SEC22A: variants seen among roughly 807,000 people sequenced by gnomAD.
SEC22A encodes the protein SEC22 homolog A, vesicle trafficking protein.
In SEC22A, 22 loss-of-function variants were observed where a neutral mutation model predicts 35.3. That is an observed-to-expected ratio of 0.62 (90% CI 0.45 to 0.89). The LOEUF (loss-of-function observed/expected upper bound fraction) is 0.89. Ranked by LOEUF, SEC22A falls within the 40% of genes least tolerant of loss-of-function variation. The pLI, the probability that SEC22A is intolerant of heterozygous loss-of-function variation, is 0.00. For synonymous variants in SEC22A, 119 were observed against 129.5 expected, an observed-to-expected ratio of 0.92 and a Z score of 0.55; for missense variants, 354 against 362.5, an observed-to-expected ratio of 0.98 and a Z score of 0.19.
At chr3:123,256,947 G>T (rs1002691219) in intron 5 of SEC22A, among the ~76,000 whole-genome samples, 1 of 151,878 alleles carries the variant, frequency 6.6e-6, no homozygotes, top group Non-Finnish European at 1.5e-5. Flanking sequence ...TTTTAGTAGA[G>T]ACATGGTTTC....
chr3:123,234,319 A>G (rs948640076), intron 4 of SEC22A, among the ~76,000 whole-genome samples: 2 of 152,208 alleles, frequency 1.3e-5, no homozygotes, highest in African/African-American at 4.8e-5. Context: ...AGCCAAAATA[A>G]TCTTGGAAAA....
At chr3:123,234,314 A>G (rs1481703591) in intron 4 of SEC22A, among the ~76,000 whole-genome samples, 1 of 152,202 alleles carries the variant, frequency 6.6e-6, no homozygotes, top group East Asian at 1.9e-4. Flanking sequence ...AGCATAGCCA[A>G]AATAATCTTG....
At chr3:123,220,867 C>CATATATATATATATAT (rs563341393) in intron 2 of SEC22A, among the ~76,000 whole-genome samples, 2,214 of 96,832 alleles carry the variant, frequency 0.023, 156 homozygotes, top group Non-Finnish European at 0.032. Context: ...AAAAAGGTCT[C>CATATATATATATATAT]ATATATATAT....
chr3:123,237,052 T>C (rs2108066243), intron 4 of SEC22A, among the ~76,000 whole-genome samples: 1 of 152,362 alleles, frequency 6.6e-6, no homozygotes, highest in South Asian at 2.1e-4. Context: ...GCAGGTCATA[T>C]GGCCTCTGTT....
intron 6 of SEC22A, among the ~76,000 whole-genome samples, chr3:123,261,301 T>G (rs1937890445): frequency 6.6e-6 from 1 of 152,238 alleles, no homozygotes; most frequent in Non-Finnish European, 1.5e-5. Flanking sequence ...GTATATATTT[T>G]CTATTTTAAT....
At chr3:123,224,790 CAAAA>C (rs201359124) in intron 3 of SEC22A, among the ~76,000 whole-genome samples, 1 of 144,344 alleles carries the variant, frequency 6.9e-6, no homozygotes, top group Non-Finnish European at 1.5e-5. Context: ...GACCCTGTCT[CAAAA>C]AAAAAAATTC....
At chr3:123,202,755 C>G (rs1936772246) in intron 1 of SEC22A, among the ~76,000 whole-genome samples, 1 of 152,204 alleles carries the variant, frequency 6.6e-6, no homozygotes, top group Non-Finnish European at 1.5e-5. Flanking sequence ...CCCTCCTATG[C>G]CTATTCAGCC....
At chr3:123,221,350 A>C (rs1463618799) in intron 2 of SEC22A, among the ~76,000 whole-genome samples, 1 of 151,616 alleles carries the variant, frequency 6.6e-6, no homozygotes, top group African/African-American at 2.4e-5. Flanking sequence ...GTGTGCCTGT[A>C]ATCCCAGCTA....
At chr3:123,237,502 C>T (rs1434697585) in intron 4 of SEC22A, among the ~76,000 whole-genome samples, 1 of 152,186 alleles carries the variant, frequency 6.6e-6, no homozygotes, top group Non-Finnish European at 1.5e-5. Flanking sequence ...ACCTATACAT[C>T]TTTTAAGACT....
Position 123,223,686 on chromosome 3 carries a change from A to G in SEC22A, c.310A>G (p.Asn104Asp). The G allele has an allele frequency of 1.2e-6, 2 of 1,613,568 alleles. No individual in the cohort carries two copies. The highest frequency in any genetic ancestry group is 1.7e-6 in the Non-Finnish European group (2 of 1,179,734). Residue 104 changes from asparagine (N) to aspartate (D), a missense_variant, in exon 3 of 7, where the codon AAT (asparagine) becomes GAT (aspartate). Physicochemically the swap from Asn to Asp is conservative, Grantham distance 23. Transcript: ENST00000492595. ...FITTYNMMKTNTAVRPYCFIE... is the reference protein window; with the variant it reads ...FITTYNMMKTDTAVRPYCFIE... ...TACTACTTATAACATGATGAAGACA[A>G]ATACTGCTGTCAGACCATACTGTTT...
chr3:123,212,672 G>A (rs1260743251), intron 2 of SEC22A, among the ~76,000 whole-genome samples: 2 of 151,792 alleles, frequency 1.3e-5, no homozygotes, highest in Non-Finnish European at 2.9e-5. Flanking sequence ...TTTAGTTTTA[G>A]TTAGTTGTAC....
At position 123,205,269 on chromosome 3, in the gene SEC22A, A is replaced by AT. The variant is rs145155872; in HGVS notation, c.-20+3289dup. On this transcript the variant is annotated intron_variant, in intron 1 of 6. Transcript: ENST00000492595. ...AATTACTGTGGTAGAAAGAGGTTTA[A>AT]TTTTTTCCCTAAGAAAAATCTTATC... is the stretch of plus-strand genomic sequence containing the variant. Among the ~76,000 whole-genome samples, 1,064 of 152,302 alleles carry AT rather than the reference A, an allele frequency of 7.0e-3. 7 individuals carry two copies. The highest frequency in any genetic ancestry group is 0.024 in the African/African-American group (984 of 41,564).
In SEC22A at chr3:123,259,590, G is replaced by A; in HGVS notation, c.723+1G>A. The A allele has an allele frequency of 6.2e-7, 1 of 1,607,728 alleles. No individual in the cohort carries two copies. Among genetic ancestry groups the A allele is most frequent in the Non-Finnish European group, 8.5e-7 (1 of 1,174,878 alleles). On this transcript the variant is annotated splice_donor_variant, in intron 6 of 6. Transcript: ENST00000492595. LOFTEE classifies it high-confidence loss of function. ...TGGAACAGCAGCCTGCCTTTACCAG[G>A]TAGGTTTTCTTCCATTTTAAAGAAA...
At chr3:123,271,458 T>C (rs1211077201) in intron 6 of SEC22A, 64 bp from the exon 7 acceptor site, 1 of 1,364,488 alleles carries the variant, frequency 7.3e-7, no homozygotes. Context: ...TACAATTTTA[T>C]ATTAGAAACA....
chr3:123,245,970 C>T lies in SEC22A; in HGVS notation c.613C>T (p.Leu205=). The change falls in exon 5 of 7, where the codon CTG becomes TTG. Residue 205 remains leucine (L), a synonymous_variant. Transcript: ENST00000492595. ...GFILSLLCGA[L]NLIRGFHAIE... is the part of the protein sequence containing the mutation. ...TATCCTTAGTCTTTTATGTGGAGCT[C>T]TGAATTTAATTCGAGGCTTTCATGC... The T allele has an allele frequency of 1.2e-6, 2 of 1,613,252 alleles. No homozygotes were observed. The highest frequency in any genetic ancestry group is 1.7e-6 in the Non-Finnish European group (2 of 1,179,314).
chr3:123,232,582 C>A (rs1937340877), intron 4 of SEC22A, among the ~76,000 whole-genome samples: 1 of 152,166 alleles, frequency 6.6e-6, no homozygotes, highest in South Asian at 2.1e-4. Flanking sequence ...TGCTGTGGCT[C>A]ACACCTGTAA....
At chr3:123,214,914 T>C (rs1329735482) in intron 2 of SEC22A, among the ~76,000 whole-genome samples, 1 of 152,124 alleles carries the variant, frequency 6.6e-6, no homozygotes, top group East Asian at 1.9e-4. Flanking sequence ...TGTTTTTTCC[T>C]TGCCTGAGGG....
Position 123,209,338 on chromosome 3 carries a change from T to C in SEC22A, c.121T>C (p.Ser41Pro). Residue 41 changes from serine to proline, a missense_variant, in exon 2 of 7, where the codon TCG (serine) becomes CCG (proline). Transcript: ENST00000492595. ...QECRKYFKML[S>P]RKLAQLPDRC... ...GTGCAGAAAGTATTTTAAAATGCTT[T>C]CGAGGAAACTTGCTCAACTTCCTGA... The C allele has an allele frequency of 6.2e-7, 1 of 1,614,072 alleles. No homozygotes were observed. The highest frequency in any genetic ancestry group is 8.5e-7 in the Non-Finnish European group (1 of 1,179,944).
At chr3:123,271,397 C>A (rs1938155256) in intron 6 of SEC22A, 125 bp from the exon 7 acceptor site, 2 of 702,198 alleles carry the variant, frequency 2.8e-6, no homozygotes, top group Non-Finnish European at 4.8e-6. Context: ...TTATCTTATC[C>A]CTAGATAAAA....
Sources: allele counts gnomAD v4.1 joint callset (sites outside exome capture counted in the v4.1 genomes callset), GRCh38; gene constraint gnomAD v4.1.1; transcripts MANE v1.5; gene names NCBI Gene and HGNC (gene_info 2026-07-23, HGNC 2026-07-21).